The following LRSAM1 variants were observed in gnomAD, a reference collection of about 807,000 sequenced individuals.
LRSAM1 encodes the protein leucine rich repeat and sterile alpha motif containing 1, also known as E3 ubiquitin-protein ligase LRSAM1.
Under a neutral mutation model 118.1 loss-of-function variants are expected in LRSAM1, and 96 were observed. That is an observed-to-expected ratio of 0.81 (90% CI 0.69 to 0.96). The LOEUF (loss-of-function observed/expected upper bound fraction) is 0.96, where lower values mean the gene tolerates loss of function less well. LRSAM1 is among the 40% of genes least tolerant of loss of function. LRSAM1 has a pLI of 0.00. For missense variants in LRSAM1, 804 were observed against 915.5 expected (o/e 0.88, Z 1.57); for synonymous variants, 322 against 364.2 (o/e 0.88, Z 1.32).
chr9:127,460,794 G>T (rs917813973), intron 7 of LRSAM1, among the ~76,000 whole-genome samples: 6 of 151,106 alleles, frequency 4.0e-5, no homozygotes, highest in East Asian at 1.9e-4. Context: ...GGGTGCGGGG[G>T]TCATCACTGT....
rs368471851 is a variant in LRSAM1 at position 127,492,914 on chromosome 9, T to G, written c.1599+17T>G. On this transcript the variant is annotated intron_variant, in intron 21 of 25. Coordinates refer to ENST00000300417, the MANE Select transcript of LRSAM1 (RefSeq NM_001005373.4). ...GAAATCCTGGTATGTGTTTGGCTTCTGTGCTCAGCATCACACAGGCATTTG... is the reference window on the plus strand; with the variant it reads ...GAAATCCTGGTATGTGTTTGGCTTCGGTGCTCAGCATCACACAGGCATTTG... The G allele has an allele frequency of 1.2e-6, 2 of 1,609,050 alleles. No individual in the cohort carries two copies. Among genetic ancestry groups the G allele is most frequent in the South Asian group, 1.1e-5 (1 of 90,958 alleles).
At chr9:127,491,183 T>TAA in intron 19 of LRSAM1, 32 bp from the exon 20 acceptor site, 3 of 1,547,856 alleles carry the variant, frequency 1.9e-6, no homozygotes, top group Non-Finnish European at 8.9e-7. Flanking sequence ...TTAATGTGAG[T>TAA]AAAAAAAAAC....
chr9:127,484,996 C>A (rs1400263628), intron 16 of LRSAM1, among the ~76,000 whole-genome samples: 2 of 151,590 alleles, frequency 1.3e-5, no homozygotes, highest in Non-Finnish European at 2.9e-5. Flanking sequence ...TTAGTACAGA[C>A]ACAGTTTCGC....
At chr9:127,488,068 C>T (rs930100448) in intron 18 of LRSAM1, among the ~76,000 whole-genome samples, 1 of 152,046 alleles carries the variant, frequency 6.6e-6, no homozygotes, top group Non-Finnish European at 1.5e-5. Context: ...TGATGGTGAC[C>T]ACACCATGGA....
rs535929129 is a variant in LRSAM1 at position 127,460,264 on chromosome 9, C to CT, written c.322-908dup. Among the ~76,000 whole-genome samples, 6 of 152,350 alleles carry CT rather than the reference C, an allele frequency of 3.9e-5. No homozygotes were observed. The East Asian group carries it at 9.6e-4, about 24-fold the overall frequency. ...CCACCCACCTCAGCCTCCCAAAGTG[C>CT]TGGGATTACAGGTGTTAGCCACCGT... On this transcript the variant is annotated intron_variant, in intron 7 of 25. Transcript: ENST00000300417.
intron 10 of LRSAM1, among the ~76,000 whole-genome samples, chr9:127,473,346 TACAAATCAACAGGAAAAAG>T (rs1835241906): frequency 6.6e-6 from 1 of 152,170 alleles, no homozygotes; most frequent in African/African-American, 2.4e-5. Flanking sequence ...AAAGAGCACC[TACAAATCAACAGGAAAAAG>T]ACAAACAGCC....
At chr9:127,484,570 G>A (rs1835658188) in intron 16 of LRSAM1, among the ~76,000 whole-genome samples, 1 of 150,174 alleles carries the variant, frequency 6.7e-6, no homozygotes, top group Non-Finnish European at 1.5e-5. Flanking sequence ...CTGTTGCCCA[G>A]GCTGGTCTCA....
At chr9:127,485,941 C>G (rs1367754506) in intron 17 of LRSAM1, 106 bp downstream of exon 17, 2 of 1,021,334 alleles carry the variant, frequency 2.0e-6, no homozygotes, top group Non-Finnish European at 3.0e-6. Flanking sequence ...CCTGGGCCAC[C>G]CCAGCCTCTG....
Position 127,496,028 on chromosome 9 carries a change from C to A in LRSAM1, c.1763C>A (p.Pro588His). 6.2e-7 allele frequency: 1 copy of A among 1,612,726 alleles called. No homozygotes were observed. Among genetic ancestry groups the A allele is most frequent in the Non-Finnish European group, 8.5e-7 (1 of 1,179,986 alleles). Reference sequence around the variant, plus strand: ...GAGCTGTCGGCTGAGCACTACCTGCCCATCTTTGCGCACCACCGCCTCTCA... The same window carrying A: ...GAGCTGTCGGCTGAGCACTACCTGCACATCTTTGCGCACCACCGCCTCTCA... ...LEELSAEHYL[P>H]IFAHHRLSLD... The change falls in exon 23 of 26, where the codon CCC becomes CAC. Residue 588 changes from proline (P) to histidine (H), a missense_variant. By Grantham distance (77) the Pro-to-His change is moderately conservative (BLOSUM62 -2). Transcript: ENST00000300417.
chr9:127,454,685 C>A, intron 3 of LRSAM1, 86 bp downstream of exon 3: 1 of 1,363,166 alleles, frequency 7.3e-7, no homozygotes, highest in East Asian at 2.4e-5. Flanking sequence ...CCCAACAAGC[C>A]GTGCTCCTTC....
chr9:127,499,140 A>G (rs1836271430), intron 24 of LRSAM1, among the ~76,000 whole-genome samples: 1 of 152,072 alleles, frequency 6.6e-6, no homozygotes, highest in Non-Finnish European at 1.5e-5. Context: ...TGGGAGGCCT[A>G]CGTGGGAGGA....
At position 127,483,114 on chromosome 9, in the gene LRSAM1, C is replaced by T. The variant is rs2132073619; in HGVS notation, c.1159+94C>T. ...CCCTCTGTTGGCCATGCATGGAGGG[C>T]CCTGAGTGTTAGCCCTCGAGAGGGG... On this transcript the variant is annotated intron_variant, in intron 16 of 25. Transcript: ENST00000300417. The T allele has an allele frequency of 2.5e-6, 3 of 1,198,576 alleles. No homozygotes were observed. The East Asian group carries it at 7.3e-5, about 29-fold the overall frequency. The allele number at this position is 1,198,576 out of a possible 1,614,324, so 74.2% of individuals were successfully genotyped here.
In LRSAM1 at chr9:127,477,916, G is replaced by A. The variant is rs542273019; in HGVS notation, c.751-1018G>A. Among the ~76,000 whole-genome samples the A allele has an allele frequency of 1.7e-4, 26 of 152,122 alleles. No homozygotes were observed. In the South Asian group the frequency reaches 5.4e-3, roughly 32 times the overall value. On this transcript the variant is annotated intron_variant, in intron 11 of 25. Coordinates refer to ENST00000300417, the MANE Select transcript of LRSAM1 (RefSeq NM_001005373.4). Reference sequence around the variant, plus strand: ...TACAGAAAATCAGCCGGGTGTGGTGGTGGGTGCCTGTAATCCCAGCTACTC... The same window carrying A: ...TACAGAAAATCAGCCGGGTGTGGTGATGGGTGCCTGTAATCCCAGCTACTC...
In LRSAM1 at chr9:127,459,003, G is replaced by T. The variant is rs765537196; in HGVS notation, c.253G>T (p.Val85Phe). Reference sequence around the variant, plus strand: ...ACTCACAGGGGTCTTTCTTCTGCAGGTTCTAGATCTCCACGATAATCAGCT... The same window carrying T: ...ACTCACAGGGGTCTTTCTTCTGCAGTTTCTAGATCTCCACGATAATCAGCT... ...CSLLSLATIK[V>F]LDLHDNQLTA... The change falls in exon 7 of 26, where the codon GTT becomes TTT. Residue 85 changes from valine to phenylalanine, a missense_variant and splice_region_variant. Transcript: ENST00000300417. 3 of 1,613,546 alleles carry T rather than the reference G, an allele frequency of 1.9e-6. No individual in the cohort carries two copies. Among genetic ancestry groups the T allele is most frequent in the Non-Finnish European group, 2.5e-6 (3 of 1,179,992 alleles).
intron 25 of LRSAM1, among the ~76,000 whole-genome samples, chr9:127,501,680 C>G (rs1447906304): frequency 6.6e-6 from 1 of 152,030 alleles, no homozygotes; most frequent in African/African-American, 2.4e-5. Flanking sequence ...TGCAGTGAGC[C>G]AAGATCCCAC....
At chr9:127,498,156 T>G (rs1032025562) in intron 24 of LRSAM1, among the ~76,000 whole-genome samples, 1 of 151,868 alleles carries the variant, frequency 6.6e-6, no homozygotes, top group Non-Finnish European at 1.5e-5. Context: ...GAAGGTGGAG[T>G]TCTGGACTGG....
At position 127,454,996 on chromosome 9, in the gene LRSAM1, A is replaced by T; in HGVS notation, c.73-2A>T. Reference sequence around the variant, plus strand: ...CTTTTTAAAAATTCTTTTTATCCTTAGGCAAAAGAAGCTGGGGCAGATGAC... The same window carrying T: ...CTTTTTAAAAATTCTTTTTATCCTTTGGCAAAAGAAGCTGGGGCAGATGAC... On this transcript the variant is annotated splice_acceptor_variant, in intron 3 of 25. Transcript: ENST00000300417. LOFTEE classifies it high-confidence loss of function. 1 of 1,613,908 alleles carries T rather than the reference A, an allele frequency of 6.2e-7. No homozygotes were observed. Among genetic ancestry groups the T allele is most frequent in the Non-Finnish European group, 8.5e-7 (1 of 1,179,810 alleles).
At chr9:127,480,013 C>T (rs1835479714) in intron 14 of LRSAM1, 35 bp downstream of exon 14, 1 of 1,614,108 alleles carries the variant, frequency 6.2e-7, no homozygotes. Flanking sequence ...GCCCCAGAGT[C>T]CTTCCCCGTG....
chr9:127,479,657 C>A, intron 13 of LRSAM1, 152 bp downstream of exon 13: 1 of 1,368,000 alleles, frequency 7.3e-7, no homozygotes, highest in Non-Finnish European at 1.0e-6. Flanking sequence ...CCTTACAGAT[C>A]ACCCAGCCCA....
Sources: gnomAD v4.1 joint callset for allele counts (sites outside exome capture counted in the v4.1 genomes callset) on GRCh38, gnomAD v4.1.1 for gene constraint, MANE v1.5 for transcripts, NCBI Gene and HGNC (gene_info 2026-07-23, HGNC 2026-07-21) for gene names.